The following ANKS1A variants were observed in gnomAD, a reference collection of about 807,000 sequenced individuals.
ANKS1A encodes ankyrin repeat and sterile alpha motif domain containing 1A.
A neutral mutation model predicts 120.3 loss-of-function variants in ANKS1A; 55 were observed. That is an observed-to-expected ratio of 0.46 (90% CI 0.37 to 0.57). The LOEUF is 0.57. ANKS1A is among the 20% of genes least tolerant of loss of function. The probability of loss-of-function intolerance (pLI) is 0.00; values close to 1 mark genes in which losing one functional copy is unlikely to be tolerated. For missense variants in ANKS1A, 1,123 were observed against 1,480.3 expected (o/e 0.76, Z 3.96); for synonymous variants, 590 against 604.7 (o/e 0.98, Z 0.36).
At chr6:34,947,142 CTTTTTT>C in intron 1 of ANKS1A, among the ~76,000 whole-genome samples, 1 of 101,988 alleles carries the variant, frequency 9.8e-6, no homozygotes, top group African/African-American at 4.4e-5. Flanking sequence ...ATAGTAGACT[CTTTTTT>C]TTTTTTTTTT....
chr6:34,937,323 A>T (rs191790731), intron 1 of ANKS1A, among the ~76,000 whole-genome samples: 1,556 of 151,686 alleles, frequency 0.01, 11 homozygotes, highest in Non-Finnish European at 0.015. Context: ...ATATATATAT[A>T]TATTTTTTTA....
At chr6:34,947,292 G>A (rs369898994) in intron 1 of ANKS1A, among the ~76,000 whole-genome samples, 14 of 151,672 alleles carry the variant, frequency 9.2e-5, no homozygotes, top group Non-Finnish European at 1.9e-4. Context: ...GACTACAGGC[G>A]CCCGCCACCA....
At chr6:35,066,888 G>A (rs1213576471) in intron 13 of ANKS1A, among the ~76,000 whole-genome samples, 1 of 152,186 alleles carries the variant, frequency 6.6e-6, no homozygotes, top group African/African-American at 2.4e-5. Flanking sequence ...CTGTTGCAGA[G>A]TCCTGGCAGA....
At chr6:35,011,215 A>G (rs1773742355) in intron 10 of ANKS1A, among the ~76,000 whole-genome samples, 1 of 152,222 alleles carries the variant, frequency 6.6e-6, no homozygotes, top group Non-Finnish European at 1.5e-5. Context: ...TAGAGGACTC[A>G]AGTCAGTTGT....
At chr6:34,985,845 G>A (rs1772171062) in intron 8 of ANKS1A, among the ~76,000 whole-genome samples, 2 of 152,188 alleles carry the variant, frequency 1.3e-5, no homozygotes, top group South Asian at 2.1e-4. Flanking sequence ...TGAGATAAGA[G>A]GATGAGAACA....
intron 11 of ANKS1A, among the ~76,000 whole-genome samples, chr6:35,052,332 T>C (rs1019155093): frequency 6.6e-6 from 1 of 151,674 alleles, no homozygotes; most frequent in Admixed American, 6.6e-5. Flanking sequence ...ACGCCTGTAG[T>C]CCCAGCTACT....
At chr6:34,904,010 A>G (rs1221109432) in intron 1 of ANKS1A, among the ~76,000 whole-genome samples, 1 of 152,158 alleles carries the variant, frequency 6.6e-6, no homozygotes, top group Non-Finnish European at 1.5e-5. Context: ...ATCAGCTGTG[A>G]GTTTGGGCCA....
chr6:34,999,499 G>T (rs779724617), intron 10 of ANKS1A, among the ~76,000 whole-genome samples: 6 of 152,156 alleles, frequency 3.9e-5, no homozygotes, highest in Non-Finnish European at 5.9e-5. Context: ...AGAAGCATGG[G>T]TCAGGAACAA....
chr6:35,037,809 C>T (rs1775254255), intron 11 of ANKS1A, among the ~76,000 whole-genome samples: 1 of 152,152 alleles, frequency 6.6e-6, no homozygotes, highest in South Asian at 2.1e-4. Context: ...GTCTGCTTTA[C>T]CACCCATTAG....
At chr6:35,046,182 T>C (rs1399905824) in intron 11 of ANKS1A, among the ~76,000 whole-genome samples, 1 of 152,172 alleles carries the variant, frequency 6.6e-6, no homozygotes, top group African/African-American at 2.4e-5. Context: ...GTACTCATCC[T>C]GGGAACACTG....
At chr6:35,031,142 G>A (rs959310860) in intron 11 of ANKS1A, among the ~76,000 whole-genome samples, 3 of 152,182 alleles carry the variant, frequency 2.0e-5, no homozygotes, top group South Asian at 2.1e-4. Flanking sequence ...ACAGAAAGCG[G>A]TTCTGTGGAG....
intron 9 of ANKS1A, among the ~76,000 whole-genome samples, chr6:34,990,962 T>C (rs1479948705): frequency 1.3e-5 from 2 of 152,224 alleles, no homozygotes; most frequent in Non-Finnish European, 2.9e-5. Context: ...CTGTAGTTTG[T>C]AGTCTGAATG....
intron 1 of ANKS1A, among the ~76,000 whole-genome samples, chr6:34,950,317 C>T (rs568403001): frequency 1.4e-5 from 2 of 147,776 alleles, no homozygotes; most frequent in South Asian, 4.3e-4. Context: ...ACCTCCGTCT[C>T]CCTGGTTCAA....
chr6:35,040,799 G>A (rs1046199621), intron 11 of ANKS1A, among the ~76,000 whole-genome samples: 1 of 152,182 alleles, frequency 6.6e-6, no homozygotes. Flanking sequence ...CTGGCCTTTA[G>A]CCAGGGACTC....
At position 34,889,330 on chromosome 6, in the gene ANKS1A, C is replaced by T; in HGVS notation, c.-73C>T. 8.1e-7 allele frequency: 1 copy of T among 1,228,922 alleles called. No homozygotes were observed. The highest frequency in any genetic ancestry group is 3.2e-5 in the East Asian group (1 of 31,002). 76.1% of individuals were successfully genotyped at this position (1,228,922 alleles called of 1,614,324 possible). A position where few individuals can be genotyped will look rare whatever the true frequency, so the allele number is the denominator to read the frequency against. On this transcript the variant is annotated 5_prime_UTR_variant, in exon 1 of 24. The change creates a new upstream start codon in the 5' untranslated region. Coordinates refer to ENST00000360359, the MANE Select transcript of ANKS1A (RefSeq NM_015245.3). The surrounding 1 kb of genome is among the most constrained non-coding windows in gnomAD (Gnocchi z 5.5). ...GTTTGGGGGGTGCGTTGCCCGGAGA[C>T]GGAAAGTTTGGGAGCCCGAGCAGGC...
At chr6:34,924,997 T>A (rs1768636255) in intron 1 of ANKS1A, among the ~76,000 whole-genome samples, 2 of 152,244 alleles carry the variant, frequency 1.3e-5, no homozygotes, top group African/African-American at 4.8e-5. Context: ...GCCTCTTTAT[T>A]GTTGAAGACT....
At chr6:35,048,201 A>G (rs771432399) in intron 11 of ANKS1A, among the ~76,000 whole-genome samples, 1 of 152,208 alleles carries the variant, frequency 6.6e-6, no homozygotes, top group South Asian at 2.1e-4. Context: ...TTTTGAAACA[A>G]AACAGCTCTG....
chr6:34,914,370 A>G (rs1032418921), intron 1 of ANKS1A, among the ~76,000 whole-genome samples: 2 of 145,800 alleles, frequency 1.4e-5, no homozygotes, highest in African/African-American at 4.9e-5. Flanking sequence ...AATTTAAACA[A>G]TATTAATTAA....
chr6:35,084,981 C>T lies in ANKS1A; in HGVS notation c.3132+723C>T, dbSNP rs570237938. 4.4e-4 allele frequency among the ~76,000 whole-genome samples: 67 copies of T among 152,280 alleles called. No individual in the cohort carries two copies. Among genetic ancestry groups the T allele is most frequent in the Non-Finnish European group, 8.8e-4 (60 of 68,020 alleles). On this transcript the variant is annotated intron_variant, in intron 21 of 23. Transcript: ENST00000360359. This position sits in a 1 kb window ranked among gnomAD's most constrained non-coding sequence, Gnocchi z 4.8. ...AAGTCAGAGGGGTCCAGGTCTCTGCCGCCCTCAGGGATAGCAGCTGCTTCC... is the reference window on the plus strand; with the variant it reads ...AAGTCAGAGGGGTCCAGGTCTCTGCTGCCCTCAGGGATAGCAGCTGCTTCC...
Sources: gnomAD v4.1 joint callset for allele counts (sites outside exome capture counted in the v4.1 genomes callset) on GRCh38, gnomAD v4.1.1 for gene constraint, Gnocchi (gnomAD v3.1) non-coding constraint, MANE v1.5 for transcripts, NCBI Gene and HGNC (gene_info 2026-07-23, HGNC 2026-07-21) for gene names.